The following UGGT2 variants were observed in gnomAD, a reference collection of about 807,000 sequenced individuals.
UGGT2 encodes UDP-glucose glycoprotein glucosyltransferase 2.
In UGGT2, 180 loss-of-function variants were observed where a neutral mutation model predicts 192.1. That is an observed-to-expected ratio of 0.94 (90% CI 0.83 to 1.06). The LOEUF is 1.06. Among genes scored for constraint, UGGT2 ranks in the 50% least tolerant of loss-of-function variants. UGGT2 has a pLI of 0.00. For synonymous variants in UGGT2, 580 were observed against 591.0 expected (o/e 0.98, Z 0.27); for missense variants, 1,849 against 1,795.7 (o/e 1.03, Z -0.54).
Position 95,897,931 on chromosome 13 carries a change from CCTT to C in UGGT2, c.2635-2630_2635-2628del, listed in dbSNP as rs563955014. 9.3e-4 allele frequency among the ~76,000 whole-genome samples: 142 copies of C among 152,192 alleles called. 1 individual carries two copies. The highest frequency in any genetic ancestry group is 3.2e-3 in the African/African-American group (133 of 41,546). ...TGGAGGTCCAAACTGAATTCTCTTT[CCTT>C]CTTCTTATACTGCTCCTGACAACCT... On this transcript the variant is annotated intron_variant, in intron 22 of 38. Transcript: ENST00000376747.
At chr13:95,964,877 T>A (rs569203099) in intron 12 of UGGT2, among the ~76,000 whole-genome samples, 2 of 151,984 alleles carry the variant, frequency 1.3e-5, no homozygotes, top group South Asian at 4.2e-4. Context: ...GAATCTACAA[T>A]GAACTCAAAC....
intron 38 of UGGT2, among the ~76,000 whole-genome samples, chr13:95,828,092 C>A (rs2139842751): frequency 6.6e-6 from 1 of 152,224 alleles, no homozygotes; most frequent in East Asian, 1.9e-4. Flanking sequence ...TCTGTTTCCT[C>A]ATTTGGCAGC....
intron 15 of UGGT2, among the ~76,000 whole-genome samples, chr13:95,942,125 T>G (rs2049701854): frequency 7.8e-6 from 1 of 128,022 alleles, no homozygotes; most frequent in African/African-American, 2.7e-5. Flanking sequence ...GATATGTATA[T>G]TTGTGTCATT....
intron 38 of UGGT2, among the ~76,000 whole-genome samples, chr13:95,822,474 A>G (rs1403010880): frequency 6.6e-6 from 1 of 152,070 alleles, no homozygotes; most frequent in Non-Finnish European, 1.5e-5. Context: ...GTAGATGGTC[A>G]TATCACTGGT....
rs1421326092 is a variant in UGGT2 at position 96,026,696 on chromosome 13, G to A, written c.242-2937C>T. Among the ~76,000 whole-genome samples, 18 of 120,060 alleles carry A rather than the reference G, an allele frequency of 1.5e-4. No individual in the cohort carries two copies. The East Asian group carries it at 3.7e-3, about 25-fold the overall frequency. The allele number at this position is 120,060 out of a possible 152,430, so 78.8% of individuals were successfully genotyped here. On this transcript the variant is annotated intron_variant, in intron 2 of 38. Transcript: ENST00000376747. The stretch of plus-strand genomic sequence containing the variant: ...TTTTTTTTTTTTGAGACGGAGTCTC[G>A]CTCTGTCGCCCAGGTCGGACTGCGG...
At chr13:95,970,531 G>A (rs1416347721) in intron 11 of UGGT2, among the ~76,000 whole-genome samples, 1 of 151,930 alleles carries the variant, frequency 6.6e-6, no homozygotes, top group Non-Finnish European at 1.5e-5. Flanking sequence ...TCAAAGTAGT[G>A]AGGATATGAT....
intron 36 of UGGT2, among the ~76,000 whole-genome samples, chr13:95,845,181 A>C (rs1045479873): frequency 7.2e-6 from 1 of 139,738 alleles, no homozygotes; most frequent in Admixed American, 6.9e-5. Flanking sequence ...CTTTCTTTTA[A>C]ATTTTTTTAG....
At chr13:95,990,856 T>A (rs1358942497) in intron 7 of UGGT2, 1 of 152,326 alleles carries the variant, frequency 6.6e-6, no homozygotes, top group African/African-American at 2.4e-5. Context: ...GTATTTCTCC[T>A]AATGCTATCC....
At chr13:95,876,787 T>C (rs1460537466) in intron 29 of UGGT2, 2 of 152,534 alleles carry the variant, frequency 1.3e-5, no homozygotes, top group Non-Finnish European at 1.5e-5. Flanking sequence ...GAGTGGATAG[T>C]TGTTCAAATT....
rs2048082832 is a variant in UGGT2, at chr13:95,900,792, G to C, written c.2634+15C>G. On this transcript the variant is annotated intron_variant, in intron 22 of 38. Transcript: ENST00000376747. Reference sequence around the variant, plus strand: ...GTGTCACTGAGAAAAGAGAGCAATAGCTTTTTCTACTTACTCTCCCATTGC... The same window carrying C: ...GTGTCACTGAGAAAAGAGAGCAATACCTTTTTCTACTTACTCTCCCATTGC... 3.7e-6 allele frequency: 6 copies of C among 1,600,402 alleles called. No homozygotes were observed. Among genetic ancestry groups the C allele is most frequent in the African/African-American group, 1.3e-5 (1 of 74,418 alleles).
At chr13:95,873,727 A>G (rs1179437887) in intron 29 of UGGT2, among the ~76,000 whole-genome samples, 2 of 151,464 alleles carry the variant, frequency 1.3e-5, no homozygotes, top group Non-Finnish European at 2.9e-5. Flanking sequence ...TTAAATTTGC[A>G]CCCCCCATTG....
intron 2 of UGGT2, among the ~76,000 whole-genome samples, chr13:96,027,027 G>A (rs191478666): frequency 1.5e-3 from 230 of 152,232 alleles, no homozygotes; most frequent in Non-Finnish European, 2.7e-3. Context: ...GAGATATGGT[G>A]AGTTTTCCTC....
At chr13:96,006,290 T>C (rs2051971848) in intron 5 of UGGT2, among the ~76,000 whole-genome samples, 1 of 152,140 alleles carries the variant, frequency 6.6e-6, no homozygotes, top group African/African-American at 2.4e-5. Context: ...AAATAAAGAA[T>C]GCCTTCAACA....
intron 38 of UGGT2, among the ~76,000 whole-genome samples, chr13:95,830,031 A>T (rs945518095): frequency 6.6e-6 from 1 of 152,252 alleles, no homozygotes; most frequent in Non-Finnish European, 1.5e-5. Context: ...AAATGGGGAA[A>T]GGATTCCTTA....
intron 36 of UGGT2, among the ~76,000 whole-genome samples, chr13:95,853,259 A>C (rs532746915): frequency 6.6e-6 from 1 of 152,210 alleles, no homozygotes; most frequent in African/African-American, 2.4e-5. Flanking sequence ...GTATATCTTT[A>C]TTAGCAGTGA....
chr13:95,877,221 G>A, intron 29 of UGGT2, 58 bp downstream of exon 29: 2 of 1,316,564 alleles, frequency 1.5e-6, no homozygotes, highest in Non-Finnish European at 2.1e-6. Flanking sequence ...TCTCTTGGTT[G>A]TATTACACTA....
intron 17 of UGGT2, among the ~76,000 whole-genome samples, 189 bp downstream of exon 17, chr13:95,936,735 C>A (rs1198056756): frequency 5.3e-5 from 8 of 152,246 alleles, no homozygotes; most frequent in African/African-American, 1.9e-4. Context: ...AAGGGCCCCA[C>A]TGCACCACAG....
At chr13:95,965,352 C>A (rs1319156932) in intron 12 of UGGT2, among the ~76,000 whole-genome samples, 3 of 150,906 alleles carry the variant, frequency 2.0e-5, no homozygotes, top group Middle Eastern at 3.4e-3. Flanking sequence ...AAATGTCCAA[C>A]AATGATAGAC....
Position 96,031,971 on chromosome 13 carries a change from A to G in UGGT2, c.159T>C (p.Ser53=), listed in dbSNP as rs1382740117. 1 of 1,605,550 alleles carries G rather than the reference A, an allele frequency of 6.2e-7. No individual in the cohort carries two copies. Among genetic ancestry groups the G allele is most frequent in the African/African-American group, 1.3e-5 (1 of 74,686 alleles). ...CATTACTTTCTTCTGCCATAAATTCACTATTAAAAAAATAGAAGTAATCGG... is the reference window on the plus strand; with the variant it reads ...CATTACTTTCTTCTGCCATAAATTCGCTATTAAAAAAATAGAAGTAATCGG... ...WPETPLLLEA[S]EFMAEESNEK... The change falls in exon 2 of 39, where the codon AGT becomes AGC. Residue 53 remains serine (S), a splice_region_variant and synonymous_variant. Transcript: ENST00000376747.
Sources: gnomAD v4.1 joint callset for allele counts (sites outside exome capture counted in the v4.1 genomes callset) on GRCh38, gnomAD v4.1.1 for gene constraint, MANE v1.5 for transcripts, NCBI Gene and HGNC (gene_info 2026-07-23, HGNC 2026-07-21) for gene names.